Variants in PTPRN2 observed in about 807,000 individuals in gnomAD.
The protein encoded by PTPRN2 is protein tyrosine phosphatase receptor type N2.
In PTPRN2, 74 loss-of-function variants were observed where a neutral mutation model predicts 118.8. The ratio of observed to expected loss-of-function variants is 0.62; its 90% confidence interval spans 0.52 to 0.76. PTPRN2 has a LOEUF of 0.76. PTPRN2 is among the 30% of genes least tolerant of loss of function. The pLI is 0.00. For missense variants in PTPRN2, 1,481 were observed against 1,394.4 expected, an observed-to-expected ratio of 1.06 and a Z score of -0.99; for synonymous variants, 641 against 608.0, an observed-to-expected ratio of 1.05 and a Z score of -0.80.
At chr7:157,734,863 C>T (rs1047273926) in intron 12 of PTPRN2, among the ~76,000 whole-genome samples, 10 of 152,232 alleles carry the variant, frequency 6.6e-5, no homozygotes, top group African/African-American at 2.2e-4. Context: ...CAGGACCTGG[C>T]GCTCGGCCAT....
rs1042854286 is a variant in PTPRN2, at chr7:157,964,862, A to G, written c.1724-66125T>C. On this transcript the variant is annotated intron_variant, in intron 11 of 22. Transcript: ENST00000389418. The surrounding 1 kb of genome is among the most constrained non-coding windows in gnomAD (Gnocchi z 9.0). The stretch of plus-strand genomic sequence containing the variant: ...TCTTGCCCCAATTTCTCCACCGCAC[A>G]GACTCGCCAGGGCTTTGGTTTGTGA... Among the ~76,000 whole-genome samples, 1 of 152,204 alleles carries G rather than the reference A, an allele frequency of 6.6e-6. No individual in the cohort carries two copies. Among genetic ancestry groups the G allele is most frequent in the African/African-American group, 2.4e-5 (1 of 41,462 alleles).
intron 11 of PTPRN2, among the ~76,000 whole-genome samples, chr7:157,932,009 C>T (rs1488683096): frequency 1.3e-5 from 2 of 152,212 alleles, no homozygotes; most frequent in Non-Finnish European, 2.9e-5. Context: ...GAATCTCAGA[C>T]ACTCGTCACC....
chr7:158,487,149 G>C (rs556948166), intron 2 of PTPRN2, among the ~76,000 whole-genome samples: 1 of 152,312 alleles, frequency 6.6e-6, no homozygotes, highest in Admixed American at 6.5e-5. Context: ...CATGTGGATG[G>C]ACCACGTTTC....
chr7:157,730,436 G>A (rs1412366792), intron 12 of PTPRN2, among the ~76,000 whole-genome samples: 1 of 152,230 alleles, frequency 6.6e-6, no homozygotes, highest in Non-Finnish European at 1.5e-5. Flanking sequence ...AAGCCCCTGA[G>A]CCCCCTTTCT....
At chr7:158,450,627 G>A (rs184375881) in intron 2 of PTPRN2, among the ~76,000 whole-genome samples, 4 of 152,262 alleles carry the variant, frequency 2.6e-5, no homozygotes, top group Admixed American at 6.5e-5. Context: ...AGGGCCTGTC[G>A]TCTTTCACAC....
At chr7:158,395,832 C>T (rs1812438331) in intron 2 of PTPRN2, among the ~76,000 whole-genome samples, 1 of 150,344 alleles carries the variant, frequency 6.7e-6, no homozygotes, top group African/African-American at 2.4e-5. Flanking sequence ...TCCCGGCCTG[C>T]GCCGCCTTGG....
At chr7:158,107,943 G>GCAGAT (rs1295137410) in intron 10 of PTPRN2, among the ~76,000 whole-genome samples, 2 of 146,390 alleles carry the variant, frequency 1.4e-5, no homozygotes, top group Non-Finnish European at 3.0e-5. Context: ...AAAGTCCCCT[G>GCAGAT]CCCACTGCAA....
chr7:158,450,306 G>A (rs762030015), intron 2 of PTPRN2, among the ~76,000 whole-genome samples: 2 of 152,208 alleles, frequency 1.3e-5, no homozygotes, highest in Non-Finnish European at 2.9e-5. Context: ...TGAGTTCAAT[G>A]AGACACATTC....
At chr7:158,411,712 G>A (rs985909578) in intron 2 of PTPRN2, among the ~76,000 whole-genome samples, 19 of 152,226 alleles carry the variant, frequency 1.2e-4, no homozygotes, top group African/African-American at 3.6e-4. Flanking sequence ...GCCGCCCCGC[G>A]GCACTCACAC....
At chr7:158,341,302 GACGTCACTCACACCCACAC>G (rs1179665735) in intron 2 of PTPRN2, among the ~76,000 whole-genome samples, 3 of 150,612 alleles carry the variant, frequency 2.0e-5, no homozygotes, top group South Asian at 4.2e-4. Flanking sequence ...GACGCCCATA[GACGTCACTCACACCCACAC>G]ACGTCACTCA....
Position 158,546,102 on chromosome 7 carries a change from A to G in PTPRN2, c.112+41456T>C, listed in dbSNP as rs1826262190. Among the ~76,000 whole-genome samples the G allele has an allele frequency of 6.6e-6, 1 of 152,216 alleles. No homozygotes were observed. Among genetic ancestry groups the G allele is most frequent in the Admixed American group, 6.5e-5 (1 of 15,292 alleles). On this transcript the variant is annotated intron_variant, in intron 1 of 22. Coordinates refer to ENST00000389418, the MANE Select transcript of PTPRN2 (RefSeq NM_002847.5). This position sits in a 1 kb window ranked among gnomAD's most constrained non-coding sequence, Gnocchi z 5.0. ...AAAAAAACTGGGCCAACGGCCCACA[A>G]ACACGTGAGCCAGGTGAAGGGTCAT...
In PTPRN2 at chr7:158,458,823, C is replaced by G. The variant is rs144370390; in HGVS notation, c.163+30912G>C. On this transcript the variant is annotated intron_variant, in intron 2 of 22. Coordinates refer to ENST00000389418, the MANE Select transcript of PTPRN2 (RefSeq NM_002847.5). Reference sequence around the variant, plus strand: ...CCCCTTCTAGTCCCAGCAACAAGCACAGAGTGAGACCTCAGCACACTAACC... The same window carrying G: ...CCCCTTCTAGTCCCAGCAACAAGCAGAGAGTGAGACCTCAGCACACTAACC... Among the ~76,000 whole-genome samples, 821 of 152,350 alleles carry G rather than the reference C, an allele frequency of 5.4e-3. 8 individuals are homozygous for G. Among genetic ancestry groups the G allele is most frequent in the Admixed American group, 0.022 (339 of 15,308 alleles).
At chr7:158,051,244 T>G (rs1809302895) in intron 11 of PTPRN2, among the ~76,000 whole-genome samples, 1 of 151,808 alleles carries the variant, frequency 6.6e-6, no homozygotes, top group African/African-American at 2.4e-5. Flanking sequence ...TGGACCAGCT[T>G]GCTGAGGGGA....
chr7:157,795,947 A>T (rs1804843522), intron 12 of PTPRN2, among the ~76,000 whole-genome samples: 1 of 152,210 alleles, frequency 6.6e-6, no homozygotes, highest in African/African-American at 2.4e-5. Context: ...ACACCTGATC[A>T]CCGTGATGGA....
intron 11 of PTPRN2, among the ~76,000 whole-genome samples, chr7:157,925,145 G>C (rs1236683859): frequency 1.5e-5 from 2 of 137,516 alleles, no homozygotes; most frequent in Non-Finnish European, 3.2e-5. Flanking sequence ...CCTGCATTTA[G>C]CACGTCAGGC....
intron 9 of PTPRN2, among the ~76,000 whole-genome samples, chr7:158,132,436 A>G (rs933602066): frequency 1.4e-5 from 2 of 146,666 alleles, no homozygotes; most frequent in African/African-American, 5.1e-5. Flanking sequence ...TCATACACAC[A>G]TACATATGCA....
intron 2 of PTPRN2, among the ~76,000 whole-genome samples, chr7:158,415,038 GCTACTTCTCTGATGATACAA>G (rs1814537673): frequency 4.2e-5 from 1 of 23,882 alleles, no homozygotes; most frequent in Non-Finnish European, 8.7e-5. Context: ...GATACAACCA[GCTACTTCTCTGATGATACAA>G]CCAGCTACTT....
chr7:157,952,050 C>T (rs1405156508), intron 11 of PTPRN2, among the ~76,000 whole-genome samples: 1 of 152,230 alleles, frequency 6.6e-6, no homozygotes, highest in Non-Finnish European at 1.5e-5. Context: ...AGTCTAGCTC[C>T]AGGTGCCTGC....
At chr7:158,159,057 T>C (rs1414220840) in intron 6 of PTPRN2, among the ~76,000 whole-genome samples, 1 of 30,614 alleles carries the variant, frequency 3.3e-5, no homozygotes, top group African/African-American at 1.6e-4. Flanking sequence ...TGGCCGGGAC[T>C]TCGCAAGGGC....
Sources: allele counts gnomAD v4.1 joint callset (sites outside exome capture counted in the v4.1 genomes callset), GRCh38; gene constraint gnomAD v4.1.1; non-coding constraint Gnocchi (gnomAD v3.1); transcripts MANE v1.5; gene names NCBI Gene and HGNC (gene_info 2026-07-23, HGNC 2026-07-21).